Variants in PRDM6 observed in about 807,000 individuals in gnomAD.
PRDM6 encodes PR/SET domain 6.
In PRDM6, 25 loss-of-function variants were observed where a neutral mutation model predicts 60.8. That is an observed-to-expected ratio of 0.41 (90% confidence interval 0.30 to 0.57). The LOEUF (loss-of-function observed/expected upper bound fraction) is 0.57. Among genes scored for constraint, PRDM6 ranks in the 20% least tolerant of loss-of-function variants. The probability of loss-of-function intolerance (pLI) is 0.27; values close to 1 mark genes in which losing one functional copy is unlikely to be tolerated. For missense variants in PRDM6, 839 were observed against 821.3 expected (o/e 1.02, Z -0.26); for synonymous variants, 407 against 357.4 (o/e 1.14, Z -1.57).
chr5:123,186,255 T>A (rs1290564799), intron 7 of PRDM6, among the ~76,000 whole-genome samples: 3 of 152,234 alleles, frequency 2.0e-5, no homozygotes, highest in Non-Finnish European at 4.4e-5. Context: ...GAATGTGTGT[T>A]CTGCTTTTTG....
chr5:123,131,291 G>A (rs1422152735), intron 3 of PRDM6, among the ~76,000 whole-genome samples: 2 of 152,120 alleles, frequency 1.3e-5, no homozygotes, highest in Non-Finnish European at 2.9e-5. Flanking sequence ...TAGTTAATGA[G>A]AATTTATTGT....
At chr5:123,139,371 T>G (rs553087551) in intron 3 of PRDM6, among the ~76,000 whole-genome samples, 1 of 152,304 alleles carries the variant, frequency 6.6e-6, no homozygotes, top group East Asian at 1.9e-4. Flanking sequence ...TAGAATCTCT[T>G]GGTGGATTCC....
At chr5:123,170,426 CTT>C (rs750798561) in intron 5 of PRDM6, among the ~76,000 whole-genome samples, 1 of 152,228 alleles carries the variant, frequency 6.6e-6, no homozygotes. Context: ...CTCCCTCTCT[CTT>C]GCTGTGCCTC....
chr5:123,090,637 C>CG (rs1259926439), intron 2 of PRDM6, 31 bp downstream of exon 2: 17 of 1,317,718 alleles, frequency 1.3e-5, no homozygotes. Context: ...CGCTCTCTCC[C>CG]GGGGCGCCGG....
intron 3 of PRDM6, among the ~76,000 whole-genome samples, chr5:123,130,922 T>C (rs961152328): frequency 1.3e-5 from 2 of 152,228 alleles, no homozygotes; most frequent in African/African-American, 4.8e-5. Context: ...GTTTATGGCA[T>C]TAAGTGATTA....
At chr5:123,112,755 C>A (rs1764340750) in intron 3 of PRDM6, among the ~76,000 whole-genome samples, 1 of 144,472 alleles carries the variant, frequency 6.9e-6, no homozygotes, top group African/African-American at 2.6e-5. Context: ...ACCTGTGAAC[C>A]CAACATTTTA....
At chr5:123,162,980 T>C (rs1244252884) in intron 5 of PRDM6, among the ~76,000 whole-genome samples, 2 of 152,222 alleles carry the variant, frequency 1.3e-5, no homozygotes, top group Admixed American at 1.3e-4. Context: ...TCCACAGCCC[T>C]GAGTAATTTA....
intron 2 of PRDM6, among the ~76,000 whole-genome samples, chr5:123,098,239 C>A (rs1214544553): frequency 6.6e-6 from 1 of 152,266 alleles, no homozygotes; most frequent in African/African-American, 2.4e-5. Context: ...CCCGCCGCCC[C>A]GCTCTGGCGC....
At chr5:123,142,067 G>C (rs1352108364) in intron 3 of PRDM6, among the ~76,000 whole-genome samples, 2 of 152,092 alleles carry the variant, frequency 1.3e-5, no homozygotes, top group South Asian at 4.1e-4. Context: ...GGCTCGGAAG[G>C]CATAAATTAT....
At chr5:123,092,708 T>C (rs1387930045) in intron 2 of PRDM6, among the ~76,000 whole-genome samples, 4 of 152,184 alleles carry the variant, frequency 2.6e-5, no homozygotes, top group Admixed American at 2.0e-4. Flanking sequence ...GAAAATTAGA[T>C]TGTCCTATTA....
chr5:123,094,843 C>T (rs1365069927), intron 2 of PRDM6, among the ~76,000 whole-genome samples: 2 of 152,106 alleles, frequency 1.3e-5, no homozygotes, highest in African/African-American at 2.4e-5. Context: ...CACAAACTGG[C>T]GCTCCCATTT....
intron 3 of PRDM6, among the ~76,000 whole-genome samples, chr5:123,109,029 A>C (rs554143497): frequency 7.4e-4 from 113 of 152,270 alleles, no homozygotes; most frequent in Non-Finnish European, 1.3e-3. Context: ...AACAGCCTGC[A>C]GACCCTTCTG....
At chr5:123,117,151 C>T (rs778721492) in intron 3 of PRDM6, among the ~76,000 whole-genome samples, 237 of 152,266 alleles carry the variant, frequency 1.6e-3, no homozygotes, top group Middle Eastern at 0.01. Flanking sequence ...TGACTTTTCC[C>T]AGGGGTCCTC....
At chr5:123,102,107 A>G (rs2150208910) in intron 3 of PRDM6, among the ~76,000 whole-genome samples, 1 of 152,262 alleles carries the variant, frequency 6.6e-6, no homozygotes, top group South Asian at 2.1e-4. Flanking sequence ...TATCTGTAAC[A>G]ACAGTTAGAA....
chr5:123,122,032 G>A (rs925033510), intron 3 of PRDM6, among the ~76,000 whole-genome samples: 5 of 150,952 alleles, frequency 3.3e-5, no homozygotes, highest in African/African-American at 2.4e-5. Context: ...GCGTGGTGGC[G>A]GGCGCCTGTA....
rs2126898039 is a variant in PRDM6 at position 123,190,478 on chromosome 5, C to T, written c.*3277C>T. On this transcript the variant is annotated 3_prime_UTR_variant, in exon 8 of 8. Coordinates refer to ENST00000407847, the MANE Select transcript of PRDM6 (RefSeq NM_001136239.4). ...ATACTTCTAAAAAGTTATTGTATGG[C>T]TAATTAAAGCTATGAAACTTAATCT... 6.6e-6 allele frequency: 1 copy of T among 152,192 alleles called. No individual in the cohort carries two copies. The highest frequency in any genetic ancestry group is 2.4e-5 in the African/African-American group (1 of 41,528). The allele number at this position is 152,192 out of a possible 1,614,324, so 9.4% of individuals were successfully genotyped here.
At chr5:123,134,225 C>T (rs1291432910) in intron 3 of PRDM6, among the ~76,000 whole-genome samples, 2 of 152,074 alleles carry the variant, frequency 1.3e-5, no homozygotes, top group Non-Finnish European at 2.9e-5. Context: ...TTTATTACTA[C>T]ATTTGAGTTC....
chr5:123,185,423 C>T (rs915065378), intron 7 of PRDM6, among the ~76,000 whole-genome samples: 11 of 152,194 alleles, frequency 7.2e-5, no homozygotes, highest in African/African-American at 2.4e-4. Flanking sequence ...ATCAGCAGTT[C>T]GCTAACGTGT....
intron 3 of PRDM6, among the ~76,000 whole-genome samples, chr5:123,110,051 C>T (rs1199600600): frequency 1.2e-4 from 19 of 152,104 alleles, no homozygotes; most frequent in Admixed American, 1.2e-3. Context: ...TGTGTGCAGC[C>T]ATATGTGTAC....
Sources: gnomAD v4.1 joint callset for allele counts (sites outside exome capture counted in the v4.1 genomes callset) on GRCh38, gnomAD v4.1.1 for gene constraint, MANE v1.5 for transcripts, NCBI Gene and HGNC (gene_info 2026-07-23, HGNC 2026-07-21) for gene names.